Variants in TROAP observed in about 807,000 individuals in gnomAD.
TROAP encodes tastin.
In TROAP, 62 loss-of-function variants were observed where a neutral mutation model predicts 83.4. The observed-to-expected ratio is 0.74, with a 90% CI of 0.61 to 0.92. TROAP has a LOEUF of 0.92. Ranked by LOEUF, TROAP falls within the 40% of genes least tolerant of loss-of-function variation. TROAP has a pLI of 0.00. For missense variants in TROAP, 876 were observed against 985.1 expected (o/e 0.89, Z 1.48); for synonymous variants, 352 against 386.4 (o/e 0.91, Z 1.04).
At chr12:49,328,567 C>A (rs1450415759) in intron 8 of TROAP, among the ~76,000 whole-genome samples, 1 of 151,922 alleles carries the variant, frequency 6.6e-6, no homozygotes, top group Admixed American at 6.5e-5. Context: ...GTAGTGAGAA[C>A]ACGATATAGG....
chr12:49,326,520 T>G, intron 6 of TROAP, 148 bp from the exon 7 acceptor site: 1 of 983,284 alleles, frequency 1.0e-6, no homozygotes, highest in African/African-American at 1.6e-5. Context: ...TCTCTGAGCT[T>G]TGGTTTCTTT....
intron 5 of TROAP, 62 bp downstream of exon 5, chr12:49,325,946 G>A (rs1404407183): frequency 1.2e-6 from 2 of 1,604,280 alleles, no homozygotes; most frequent in East Asian, 4.5e-5. Flanking sequence ...GGACAAAGCT[G>A]GGCTCTGGGA....
chr12:49,326,638 A>G lies in TROAP; in HGVS notation c.717-30A>G, dbSNP rs1436310041. ...TCCAGCTCATACTTGGTATTCAGTGACTGCTGGCTAATGTCCTTATTGTCA... is the reference window on the plus strand; with the variant it reads ...TCCAGCTCATACTTGGTATTCAGTGGCTGCTGGCTAATGTCCTTATTGTCA... On this transcript the variant is annotated intron_variant, in intron 6 of 14. Coordinates refer to ENST00000257909, the MANE Select transcript of TROAP (RefSeq NM_005480.4). 3.2e-6 allele frequency: 5 copies of G among 1,549,406 alleles called. No homozygotes were observed. The South Asian group carries it at 3.6e-5, about 11-fold the overall frequency.
At chr12:49,325,971 T>G (rs1440647943) in intron 5 of TROAP, 87 bp downstream of exon 5, 5 of 1,605,122 alleles carry the variant, frequency 3.1e-6, no homozygotes, top group Non-Finnish European at 4.3e-6. Context: ...AGGTACCTCA[T>G]GATGAGGCAA....
At position 49,329,694 on chromosome 12, in the gene TROAP, G is replaced by A; in HGVS notation, c.1165-163G>A. ...TTTAAAAATTAGAAAGTGCTCTCTGGAAAAGCTGCCTAACTCTCACTGCTT... is the reference window on the plus strand; with the variant it reads ...TTTAAAAATTAGAAAGTGCTCTCTGAAAAAGCTGCCTAACTCTCACTGCTT... On this transcript the variant is annotated intron_variant, in intron 11 of 14. Coordinates refer to ENST00000257909, the MANE Select transcript of TROAP (RefSeq NM_005480.4). The surrounding 1 kb of genome is among the most constrained non-coding windows in gnomAD (Gnocchi z 4.5). The A allele has an allele frequency of 8.3e-7, 1 of 1,197,950 alleles. No individual in the cohort carries two copies. The highest frequency in any genetic ancestry group is 1.2e-6 in the Non-Finnish European group (1 of 847,858). 74.2% of individuals were successfully genotyped at this position (1,197,950 alleles called of 1,614,324 possible).
rs1943512828 is a variant in TROAP, at chr12:49,327,189, A to G, written c.770-20A>G. On this transcript the variant is annotated intron_variant, in intron 7 of 14. Transcript: ENST00000257909. Reference sequence around the variant, plus strand: ...GGTGGGTGTTCTAGAGTCTACAACAAATGTCCTGTTTCTTCCTAGCTTTCT... The same window carrying G: ...GGTGGGTGTTCTAGAGTCTACAACAGATGTCCTGTTTCTTCCTAGCTTTCT... 2 of 1,613,598 alleles carry G rather than the reference A, an allele frequency of 1.2e-6. No homozygotes were observed. Among genetic ancestry groups the G allele is most frequent in the Middle Eastern group, 1.6e-4 (1 of 6,084 alleles).
intron 5 of TROAP, 55 bp from the exon 6 acceptor site, chr12:49,326,021 G>C: frequency 1.9e-6 from 3 of 1,608,988 alleles, no homozygotes; most frequent in Non-Finnish European, 2.5e-6. Context: ...GGTGAGGCCT[G>C]AGGGTTTGGG....
At chr12:49,325,963 G>T in intron 5 of TROAP, 79 bp downstream of exon 5, 1 of 1,604,852 alleles carries the variant, frequency 6.2e-7, no homozygotes. Context: ...GGGAGAAGAG[G>T]TACCTCATGA....
chr12:49,329,905 C>G lies in TROAP; in HGVS notation c.1213C>G (p.Leu405Val). The part of the protein sequence containing the change: ...LFDQESCIRS[L>V]EGSGKPPVAT... Reference sequence around the variant, plus strand: ...TGACCAGGAGAGTTGTATAAGGTCACTGGAGGGTTCTGGGAAACCACCGGT... The same window carrying G: ...TGACCAGGAGAGTTGTATAAGGTCAGTGGAGGGTTCTGGGAAACCACCGGT... The change falls in exon 12 of 15, where the codon CTG becomes GTG. Residue 405 changes from leucine (L) to valine (V), a missense_variant. Around this residue, in one of 3 missense-constraint regions of TROAP, gnomAD observed 689 missense variants for 722.6 expected, o/e 0.95. Coordinates refer to ENST00000257909, the MANE Select transcript of TROAP (RefSeq NM_005480.4). This position sits in a 1 kb window ranked among gnomAD's most constrained non-coding sequence, Gnocchi z 4.5. 1 of 1,614,056 alleles carries G rather than the reference C, an allele frequency of 6.2e-7. No individual in the cohort carries two copies. The highest frequency in any genetic ancestry group is 1.3e-5 in the African/African-American group (1 of 74,992).
Position 49,330,748 on chromosome 12 carries a change from C to G in TROAP, c.1903C>G (p.Pro635Ala). Residue 635 changes from proline to alanine, a missense_variant, in exon 13 of 15, where the codon CCC (proline) becomes GCC (alanine). By Grantham distance (27) the Pro-to-Ala change is conservative. Around this residue, in one of 3 missense-constraint regions of TROAP, gnomAD observed 184 missense variants for 238.3 expected, o/e 0.77. Transcript: ENST00000257909. ...STQGQSGPPG[P>A]CPRVELGASE... The stretch of plus-strand genomic sequence containing the variant: ...CCAGGGGCAGTCTGGACCCCCAGGG[C>G]CCTGCCCTAGGGTAGAGCTGGGGGC... The G allele has an allele frequency of 6.2e-7, 1 of 1,614,036 alleles. No individual in the cohort carries two copies. The highest frequency in any genetic ancestry group is 8.5e-7 in the Non-Finnish European group (1 of 1,179,950).
At position 49,325,669 on chromosome 12, in the gene TROAP, AG is replaced by A; in HGVS notation, c.495+13del. On this transcript the variant is annotated intron_variant, in intron 4 of 14. Coordinates refer to ENST00000257909, the MANE Select transcript of TROAP (RefSeq NM_005480.4). ...ACCCAGAGGGTCCAGGTAATGAAAC[AG>A]GATGTGAGGAGACCAGGCTAGGGGG... 1 of 1,613,382 alleles carries A rather than the reference AG, an allele frequency of 6.2e-7. No individual in the cohort carries two copies. The highest frequency in any genetic ancestry group is 8.5e-7 in the Non-Finnish European group (1 of 1,179,766).
rs528240447 is a variant in TROAP, at chr12:49,330,800, G to A, written c.1955G>A (p.Arg652Lys). Residue 652 changes from arginine (R) to lysine (K), a missense_variant, in exon 13 of 15, where the codon AGA (arginine) becomes AAA (lysine). This residue lies in a region of TROAP where 184 missense variants were observed against 238.3 expected (regional missense o/e 0.77). Coordinates refer to ENST00000257909, the MANE Select transcript of TROAP (RefSeq NM_005480.4). Reference protein sequence around the residue: ...GASEPCTLEHRSLESSLPPCC... With the variant: ...GASEPCTLEHKSLESSLPPCC... ...TCAGAGCCCTGCACCCTGGAACATA[G>A]AAGTCTAGAGTCCAGTCTACCACCC... 1.0e-4 allele frequency: 166 copies of A among 1,613,956 alleles called. 3 individuals carry two copies. In the South Asian group the frequency reaches 1.1e-3, roughly 11 times the overall value.
At chr12:49,326,758 T>C in intron 7 of TROAP, 38 bp downstream of exon 7, 1 of 1,552,544 alleles carries the variant, frequency 6.4e-7, no homozygotes, top group Non-Finnish European at 8.7e-7. Context: ...CAGGGGCAGT[T>C]GGGCTGCCTG....
rs752757635 is a variant in TROAP, at chr12:49,330,932, C to T, written c.2087C>T (p.Ala696Val). 1 of 1,611,138 alleles carries T rather than the reference C, an allele frequency of 6.2e-7. No homozygotes were observed. Among genetic ancestry groups the T allele is most frequent in the Admixed American group, 1.7e-5 (1 of 60,034 alleles). Reference sequence around the variant, plus strand: ...TCACTCCAGTCTTTGAGACCCCCAGCAGGCCAGGCAGGTAAGGAGTTGGCT... The same window carrying T: ...TCACTCCAGTCTTTGAGACCCCCAGTAGGCCAGGCAGGTAAGGAGTTGGCT... ...ICSLQSLRPP[A>V]GQAGLSNLAP... The change falls in exon 13 of 15, where the codon GCA becomes GTA. Residue 696 changes from alanine to valine, a missense_variant. Ala to Val is a moderately conservative substitution (Grantham distance 64). Around this residue, in one of 3 missense-constraint regions of TROAP, gnomAD observed 184 missense variants for 238.3 expected, o/e 0.77. Coordinates refer to ENST00000257909, the MANE Select transcript of TROAP (RefSeq NM_005480.4).
chr12:49,323,501 T>G (rs557300037), intron 1 of TROAP, 103 bp from the exon 2 acceptor site: 16 of 1,476,662 alleles, frequency 1.1e-5, no homozygotes, highest in African/African-American at 9.8e-5. Flanking sequence ...TGTGGGCGCG[T>G]GGATTAGGGC....
At position 49,329,744 on chromosome 12, in the gene TROAP, T is replaced by C; in HGVS notation, c.1165-113T>C. 2.8e-6 allele frequency: 4 copies of C among 1,454,360 alleles called. No homozygotes were observed. In the South Asian group the frequency reaches 5.4e-5, roughly 20 times the overall value. 90.1% of individuals were successfully genotyped at this position (1,454,360 alleles called of 1,614,324 possible). On this transcript the variant is annotated intron_variant, in intron 11 of 14. Transcript: ENST00000257909. The surrounding 1 kb of genome is among the most constrained non-coding windows in gnomAD (Gnocchi z 4.5). ...TCTCTGCTGCCCCTCCTAATGTACA[T>C]CTAGGGCCTCTCAGTTAGGGGCTTC... is the stretch of plus-strand genomic sequence containing the variant.
At chr12:49,323,481 G>T (rs1592308042) in intron 1 of TROAP, 123 bp from the exon 2 acceptor site, 4 of 1,368,134 alleles carry the variant, frequency 2.9e-6, no homozygotes, top group Non-Finnish European at 4.0e-6. Flanking sequence ...TCTTGCAGGC[G>T]CCGGGGGCTT....
chr12:49,329,180 G>C lies in TROAP; in HGVS notation c.1040G>C (p.Arg347Pro), dbSNP rs200324288. Residue 347 changes from arginine (R) to proline (P), a missense_variant, in exon 10 of 15, where the codon CGG becomes CCG. Arg to Pro is a moderately radical substitution (Grantham distance 103, BLOSUM62 -2). Around this residue, in one of 3 missense-constraint regions of TROAP, gnomAD observed 689 missense variants for 722.6 expected, o/e 0.95. Transcript: ENST00000257909. This position sits in a 1 kb window ranked among gnomAD's most constrained non-coding sequence, Gnocchi z 4.5. ...CCCCAGACCTCATATTCAGTGTTGC[G>C]GCGTCTCACCGTTCAACCTAAAACC... ...PPTLTSYSVL[R>P]RLTVQPKTRF... 1.9e-6 allele frequency: 3 copies of C among 1,614,088 alleles called. No homozygotes were observed. The highest frequency in any genetic ancestry group is 3.3e-5 in the Admixed American group (2 of 60,020).
chr12:49,324,332 T>G (rs1248042334), intron 3 of TROAP: 25 of 660,592 alleles, frequency 3.8e-5, no homozygotes, highest in South Asian at 3.4e-4. Context: ...CAGAGGGAGA[T>G]CCCATCTCTT....
Sources: allele counts gnomAD v4.1 joint callset (sites outside exome capture counted in the v4.1 genomes callset), GRCh38; gene constraint gnomAD v4.1.1; regional missense constraint gnomAD v4.1.1; non-coding constraint Gnocchi (gnomAD v3.1); transcripts MANE v1.5; gene names NCBI Gene and HGNC (gene_info 2026-07-23, HGNC 2026-07-21).